ROBO1: variants seen among roughly 807,000 people sequenced by gnomAD.
ROBO1 encodes the protein roundabout guidance receptor 1, also known as roundabout homolog 1.
Under a neutral mutation model 195.9 loss-of-function variants are expected in ROBO1, and 149 were observed. The ratio of observed to expected loss-of-function variants is 0.76; its 90% CI spans 0.67 to 0.87. ROBO1 has a LOEUF of 0.87. ROBO1 is among the 40% of genes least tolerant of loss of function. The pLI, the probability that ROBO1 is intolerant of heterozygous loss-of-function variation, is 0.00. For synonymous variants in ROBO1, 816 were observed against 733.2 expected, an observed-to-expected ratio of 1.11 and a Z score of -1.82; for missense variants, 1,933 against 2,068.3, an observed-to-expected ratio of 0.93 and a Z score of 1.27.
intron 1 of ROBO1, among the ~76,000 whole-genome samples, chr3:79,752,989 T>C (rs1704202053): frequency 6.6e-6 from 1 of 152,070 alleles, no homozygotes; most frequent in Non-Finnish European, 1.5e-5. Flanking sequence ...ACTATTAATC[T>C]TTAGGTAGAG....
At chr3:79,714,928 A>C (rs1166306042) in intron 1 of ROBO1, among the ~76,000 whole-genome samples, 1 of 151,516 alleles carries the variant, frequency 6.6e-6, no homozygotes, top group Non-Finnish European at 1.5e-5. Flanking sequence ...CAGCACACCA[A>C]CATGGCACAT....
At chr3:79,310,008 T>A (rs1226054846) in intron 2 of ROBO1, among the ~76,000 whole-genome samples, 1 of 152,194 alleles carries the variant, frequency 6.6e-6, no homozygotes, top group Non-Finnish European at 1.5e-5. Context: ...TTGCTTAATT[T>A]TTTTTACATA....
At chr3:78,992,681 C>G (rs891314462) in intron 3 of ROBO1, among the ~76,000 whole-genome samples, 2 of 152,218 alleles carry the variant, frequency 1.3e-5, no homozygotes, top group East Asian at 1.9e-4. Flanking sequence ...TACAAATACC[C>G]TTGGAGTTGT....
intron 1 of ROBO1, among the ~76,000 whole-genome samples, chr3:79,765,348 G>A (rs930624717): frequency 2.0e-5 from 3 of 152,158 alleles, no homozygotes; most frequent in Non-Finnish European, 2.9e-5. Flanking sequence ...TTACCAACTG[G>A]ATATCTGCTC....
intron 2 of ROBO1, among the ~76,000 whole-genome samples, chr3:79,292,903 G>T (rs866930525): frequency 2.8e-4 from 43 of 152,266 alleles, no homozygotes; most frequent in Middle Eastern, 3.4e-3. Flanking sequence ...AATAAGTTAG[G>T]GGGGAGTCCC....
Position 78,661,147 on chromosome 3 carries a change from T to C in ROBO1, c.2203A>G (p.Ser735Gly). The C allele has an allele frequency of 1.2e-6, 2 of 1,613,860 alleles. No individual in the cohort carries two copies. The highest frequency in any genetic ancestry group is 1.7e-6 in the Non-Finnish European group (2 of 1,179,828). The change falls in exon 16 of 31, where the codon AGT (serine) becomes GGT (glycine). Residue 735 changes from serine (S) to glycine (G), a missense_variant. This residue lies in a region of ROBO1 where 1,737 missense variants were observed against 1,882.5 expected (regional missense o/e 0.92). Transcript: ENST00000464233. ...TTTCTGAGATCAGGGATTACCACACTGTTTTTGGCTGGCGTCCTCACTTCA... is the reference window on the plus strand; with the variant it reads ...TTTCTGAGATCAGGGATTACCACACCGTTTTTGGCTGGCGTCCTCACTTCA... ...VFEVRTPAKNSVVIPDLRKGV... is the reference protein window; with the variant it reads ...VFEVRTPAKNGVVIPDLRKGV...
intron 3 of ROBO1, among the ~76,000 whole-genome samples, chr3:78,962,592 G>A (rs958628436): frequency 1.4e-4 from 22 of 151,930 alleles, no homozygotes; most frequent in African/African-American, 4.8e-4. Flanking sequence ...TTGGGAGGCC[G>A]AGGAGGGCGG....
At chr3:78,672,145 G>A (rs1708097798) in intron 10 of ROBO1, among the ~76,000 whole-genome samples, 1 of 152,146 alleles carries the variant, frequency 6.6e-6, no homozygotes, top group South Asian at 2.1e-4. Context: ...GCAGGGTATT[G>A]TTATGCATAT....
chr3:78,764,819 G>A (rs904744467), intron 4 of ROBO1, among the ~76,000 whole-genome samples: 6 of 152,078 alleles, frequency 3.9e-5, no homozygotes, highest in African/African-American at 1.4e-4. Flanking sequence ...ACCTGTCACA[G>A]AGACATAAGG....
intron 2 of ROBO1, among the ~76,000 whole-genome samples, chr3:79,166,258 G>A (rs1355330029): frequency 6.6e-6 from 1 of 152,072 alleles, no homozygotes; most frequent in African/African-American, 2.4e-5. Flanking sequence ...ATTCACTTCT[G>A]TTAGAAAAAA....
intron 2 of ROBO1, among the ~76,000 whole-genome samples, chr3:79,450,115 A>G (rs1315236562): frequency 6.7e-5 from 10 of 150,302 alleles, no homozygotes; most frequent in Middle Eastern, 6.9e-3. Context: ...GTTATTGGGG[A>G]AAAAAAATGA....
At chr3:79,744,770 A>G (rs17380584) in intron 1 of ROBO1, among the ~76,000 whole-genome samples, 1 of 152,044 alleles carries the variant, frequency 6.6e-6, no homozygotes, top group East Asian at 1.9e-4. Context: ...GGGATGTGTG[A>G]AGAAAAATAA....
intron 2 of ROBO1, among the ~76,000 whole-genome samples, chr3:79,565,566 C>G (rs1428352707): frequency 6.6e-6 from 1 of 151,818 alleles, no homozygotes; most frequent in Non-Finnish European, 1.5e-5. Flanking sequence ...GTCAATACAT[C>G]TTGAAAGCAT....
At chr3:78,721,056 C>A (rs2082033556) in intron 5 of ROBO1, among the ~76,000 whole-genome samples, 1 of 151,520 alleles carries the variant, frequency 6.6e-6, no homozygotes, top group South Asian at 2.1e-4. Flanking sequence ...ATGTAACAAA[C>A]CTGCAGGTTG....
At chr3:79,494,827 A>C (rs1185140398) in intron 2 of ROBO1, among the ~76,000 whole-genome samples, 2 of 152,176 alleles carry the variant, frequency 1.3e-5, no homozygotes, top group East Asian at 3.9e-4. Flanking sequence ...TGCAGGAAAA[A>C]CTGATGCAAA....
At chr3:79,488,430 A>G (rs568831634) in intron 2 of ROBO1, among the ~76,000 whole-genome samples, 1 of 152,276 alleles carries the variant, frequency 6.6e-6, no homozygotes, top group African/African-American at 2.4e-5. Context: ...TGCAAAAGAA[A>G]ATGTGCATAT....
chr3:79,663,130 T>C (rs766734752), intron 1 of ROBO1, among the ~76,000 whole-genome samples: 27 of 152,104 alleles, frequency 1.8e-4, no homozygotes, highest in Non-Finnish European at 1.8e-4. Flanking sequence ...CTATAGCTTA[T>C]CACTTATCAA....
chr3:79,163,053 T>A (rs575891699), intron 2 of ROBO1, among the ~76,000 whole-genome samples: 1 of 152,236 alleles, frequency 6.6e-6, no homozygotes, highest in African/African-American at 2.4e-5. Context: ...TTACCCATTT[T>A]TAAGCGTACA....
chr3:79,035,950 A>G (rs1329300527), intron 3 of ROBO1, among the ~76,000 whole-genome samples: 1 of 152,160 alleles, frequency 6.6e-6, no homozygotes, highest in African/African-American at 2.4e-5. Context: ...ATGTTAACTT[A>G]TAATTAATAT....
Sources: gnomAD v4.1 joint callset for allele counts (sites outside exome capture counted in the v4.1 genomes callset) on GRCh38, gnomAD v4.1.1 for gene constraint, gnomAD v4.1.1 regional missense constraint, MANE v1.5 for transcripts, NCBI Gene and HGNC (gene_info 2026-07-23, HGNC 2026-07-21) for gene names.